The following TLE4 variants were observed in gnomAD, a reference collection of about 807,000 sequenced individuals.
The protein encoded by TLE4 is TLE family member 4, transcriptional corepressor.
TLE4 carries 8 observed loss-of-function variants against 92.8 expected under a neutral mutation model. That is an observed-to-expected ratio of 0.09 (90% CI 0.05 to 0.16). The LOEUF (loss-of-function observed/expected upper bound fraction) is 0.16. TLE4 is among the 10% of genes least tolerant of loss of function. The pLI, the probability that TLE4 is intolerant of heterozygous loss-of-function variation, is 1.00. For synonymous variants in TLE4, 371 were observed against 374.1 expected (o/e 0.99, Z 0.10); for missense variants, 675 against 997.6 (o/e 0.68, Z 4.36).
intron 8 of TLE4, among the ~76,000 whole-genome samples, chr9:79,677,944 C>A (rs2063589322): frequency 2.6e-5 from 4 of 152,108 alleles, no homozygotes; most frequent in African/African-American, 9.7e-5. Context: ...GGCGTAATTT[C>A]TCTCTTCTAT....
intron 6 of TLE4, among the ~76,000 whole-genome samples, chr9:79,650,525 C>G (rs1018312648): frequency 6.6e-6 from 1 of 152,068 alleles, no homozygotes; most frequent in East Asian, 1.9e-4. Context: ...TACTTCAAGT[C>G]CCTATTTTGT....
rs377726472 is a variant in TLE4, at chr9:79,627,460, T to C, written c.390+12T>C. The C allele has an allele frequency of 4.0e-5, 65 of 1,613,742 alleles. No homozygotes were observed. The highest frequency in any genetic ancestry group is 5.4e-5 in the Non-Finnish European group (64 of 1,179,754). ...ACGCCATCATTGGGGTACGTGGCCT[T>C]TCCATTTTAGCTCTGATCTTAGTGT... On this transcript the variant is annotated intron_variant, in intron 6 of 19. Coordinates refer to ENST00000376552, the MANE Select transcript of TLE4 (RefSeq NM_007005.6).
chr9:79,632,027 C>G (rs1375224129), intron 6 of TLE4, among the ~76,000 whole-genome samples: 1 of 152,138 alleles, frequency 6.6e-6, no homozygotes, highest in Non-Finnish European at 1.5e-5. Flanking sequence ...GTGTACCCCT[C>G]AGTTCCTTTC....
chr9:79,712,715 T>A (rs2073629867), intron 14 of TLE4, among the ~76,000 whole-genome samples: 1 of 152,252 alleles, frequency 6.6e-6, no homozygotes, highest in Non-Finnish European at 1.5e-5. Flanking sequence ...GCAGAGGTTC[T>A]ACTTCATATG....
rs563838814 is a variant in TLE4 at position 79,610,870 on chromosome 9, G to T, written c.253-1786G>T. ...GCCTAGATTATGTAGGCGAACTAAA[G>T]AACTCAGTTTTCTTATGTGCCCACA... On this transcript the variant is annotated intron_variant, in intron 4 of 19. Transcript: ENST00000376552. 6.3e-5 allele frequency among the ~76,000 whole-genome samples: 9 copies of T among 143,410 alleles called. No homozygotes were observed. In the South Asian group the frequency reaches 2.3e-3, roughly 37 times the overall value. 94.1% of individuals were successfully genotyped at this position (143,410 alleles called of 152,430 possible).
intron 6 of TLE4, among the ~76,000 whole-genome samples, chr9:79,628,873 A>AGTGTGTGTGT (rs34212290): frequency 6.1e-4 from 91 of 148,094 alleles, no homozygotes; most frequent in African/African-American, 1.9e-3. Context: ...TTTAAAGTTA[A>AGTGTGTGTGT]GTGTGTGTGT....
chr9:79,607,684 T>A (rs1010631229), intron 4 of TLE4, among the ~76,000 whole-genome samples: 2 of 152,062 alleles, frequency 1.3e-5, no homozygotes, highest in Non-Finnish European at 2.9e-5. Context: ...GATGGTTGGT[T>A]ATAGGTGTGT....
chr9:79,614,962 A>G (rs997614000), intron 5 of TLE4, among the ~76,000 whole-genome samples: 4 of 152,110 alleles, frequency 2.6e-5, no homozygotes, highest in African/African-American at 9.7e-5. Context: ...TTCTGTGTAT[A>G]TATTTTCTTT....
At chr9:79,623,535 C>T (rs1418964750) in intron 5 of TLE4, among the ~76,000 whole-genome samples, 1 of 151,872 alleles carries the variant, frequency 6.6e-6, no homozygotes, top group Non-Finnish European at 1.5e-5. Flanking sequence ...TTTTACTGGC[C>T]CTTTCCCCTG....
chr9:79,654,215 T>G, intron 8 of TLE4, 140 bp downstream of exon 8: 1 of 845,540 alleles, frequency 1.2e-6, no homozygotes, highest in Non-Finnish European at 1.8e-6. Flanking sequence ...AAAATTACTT[T>G]CAGGTGTGTG....
At chr9:79,627,729 G>T in intron 6 of TLE4, 1 of 372,378 alleles carries the variant, frequency 2.7e-6, no homozygotes, top group South Asian at 4.0e-5. Context: ...AGCTTGTGTT[G>T]CTAACCTAGG....
intron 8 of TLE4, among the ~76,000 whole-genome samples, chr9:79,676,247 T>C (rs956497224): frequency 2.0e-5 from 3 of 152,182 alleles, no homozygotes; most frequent in Admixed American, 6.6e-5. Context: ...AGTAAATAAA[T>C]TATTGCTTTT....
intron 4 of TLE4, among the ~76,000 whole-genome samples, chr9:79,603,383 C>A (rs2046092965): frequency 6.6e-6 from 1 of 152,126 alleles, no homozygotes; most frequent in African/African-American, 2.4e-5. Context: ...CTTTCAGCAA[C>A]CACCACCCTG....
At chr9:79,706,391 TC>T (rs1255073148) in intron 10 of TLE4, among the ~76,000 whole-genome samples, 3 of 151,724 alleles carry the variant, frequency 2.0e-5, no homozygotes, top group South Asian at 2.1e-4. Context: ...ATGTTATTGA[TC>T]TTTTTTTTTT....
chr9:79,605,631 TG>T (rs1466051647), intron 4 of TLE4, among the ~76,000 whole-genome samples: 1 of 152,038 alleles, frequency 6.6e-6, no homozygotes, highest in Non-Finnish European at 1.5e-5. Context: ...GCTTGAGCTC[TG>T]GGGATAGACT....
rs759617979 is a variant in TLE4 at position 79,612,652 on chromosome 9, G to A, written c.253-4G>A. 2 of 1,612,256 alleles carry A rather than the reference G, an allele frequency of 1.2e-6. No homozygotes were observed. The highest frequency in any genetic ancestry group is 4.5e-5 in the East Asian group (2 of 44,820). On this transcript the variant is annotated splice_polypyrimidine_tract_variant and splice_region_variant and intron_variant, in intron 4 of 19. Transcript: ENST00000376552. ...ATTGCTTTCCTTTCCCTTATTTTTT[G>A]CAGGCAGAGATTGTCAAGAGGCTGA...
intron 6 of TLE4, chr9:79,649,911 T>C: frequency 7.5e-7 from 1 of 1,326,558 alleles, no homozygotes; most frequent in Non-Finnish European, 9.9e-7. Context: ...GTTTTTTTGT[T>C]TTTTGTTTTT....
At chr9:79,655,235 A>G (rs971340841) in intron 8 of TLE4, among the ~76,000 whole-genome samples, 2 of 152,226 alleles carry the variant, frequency 1.3e-5, no homozygotes, top group African/African-American at 4.8e-5. Context: ...CTTATTGGTT[A>G]GAAGGAAAGG....
At chr9:79,643,025 C>T (rs7869271) in intron 6 of TLE4, among the ~76,000 whole-genome samples, 3,373 of 152,260 alleles carry the variant, frequency 0.022, 117 homozygotes, top group African/African-American at 0.075. Flanking sequence ...CCTTTGTTCT[C>T]TTTATTCTTG....
Sources: allele counts gnomAD v4.1 joint callset (sites outside exome capture counted in the v4.1 genomes callset), GRCh38; gene constraint gnomAD v4.1.1; transcripts MANE v1.5; gene names NCBI Gene and HGNC (gene_info 2026-07-23, HGNC 2026-07-21).